VPS33A: variants seen among roughly 807,000 people sequenced by gnomAD.
VPS33A encodes vacuolar protein sorting-associated protein 33A.
A neutral mutation model predicts 71.8 loss-of-function variants in VPS33A; 32 were observed. The ratio of observed to expected loss-of-function variants is 0.45; its 90% CI spans 0.34 to 0.60. The LOEUF (loss-of-function observed/expected upper bound fraction) is 0.60. VPS33A is among the 20% of genes least tolerant of loss of function. VPS33A has a pLI of 0.02. For synonymous variants in VPS33A, 311 were observed against 292.7 expected (o/e 1.06, Z -0.64); for missense variants, 625 against 748.5 (o/e 0.84, Z 1.92).
intron 11 of VPS33A, among the ~76,000 whole-genome samples, chr12:122,235,460 T>A (rs1954617766): frequency 6.6e-6 from 1 of 151,954 alleles, no homozygotes; most frequent in Admixed American, 6.6e-5. Flanking sequence ...AGATGGGGTT[T>A]CCCATGTTAG....
intron 11 of VPS33A, among the ~76,000 whole-genome samples, chr12:122,234,840 C>G (rs1354443701): frequency 6.6e-6 from 1 of 152,116 alleles, no homozygotes; most frequent in Non-Finnish European, 1.5e-5. Flanking sequence ...CAGCCAGAGG[C>G]CCCTCACCCC....
Position 122,250,043 on chromosome 12 carries a change from T to C in VPS33A, c.603A>G (p.Gln201=), listed in dbSNP as rs1181982295. ...QIFGKGECAR[Q]VANMMIRMKR... ...TCATCCTGATCATCATATTGGCCAC[T>C]TGCTGGAAACAAAACATTGGATGAG... is the stretch of plus-strand genomic sequence containing the variant. The change falls in exon 6 of 13, where the codon CAA becomes CAG. Residue 201 remains glutamine (Q), a splice_region_variant and synonymous_variant. Coordinates refer to ENST00000267199, the MANE Select transcript of VPS33A (RefSeq NM_022916.6). 1 of 1,605,468 alleles carries C rather than the reference T, an allele frequency of 6.2e-7. No individual in the cohort carries two copies. Among genetic ancestry groups the C allele is most frequent in the Non-Finnish European group, 8.5e-7 (1 of 1,175,722 alleles).
chr12:122,244,804 C>T, intron 6 of VPS33A, 42 bp from the exon 7 acceptor site: 1 of 1,561,396 alleles, frequency 6.4e-7, no homozygotes, highest in Non-Finnish European at 8.7e-7. Context: ...TGTGCAATGA[C>T]TGGAAGAACC....
In VPS33A at chr12:122,244,730, G is replaced by A. The variant is rs761195636; in HGVS notation, c.808C>T (p.Pro270Ser). The change falls in exon 7 of 13, where the codon CCT becomes TCT. Residue 270 changes from proline (P) to serine (S), a missense_variant. Transcript: ENST00000267199. Reference sequence around the variant, plus strand: ...TTACCACCATCGCCCTGTTTCTTAGGTGCAAATTTCTCTGGAGGTAATTTC... The same window carrying A: ...TTACCACCATCGCCCTGTTTCTTAGATGCAAATTTCTCTGGAGGTAATTTC... Reference protein sequence around the residue: ...YVKLPPEKFAPKKQGDGGKDL... With the variant: ...YVKLPPEKFASKKQGDGGKDL... 1 of 1,613,790 alleles carries A rather than the reference G, an allele frequency of 6.2e-7. No homozygotes were observed. The highest frequency in any genetic ancestry group is 8.5e-7 in the Non-Finnish European group (1 of 1,179,782).
chr12:122,248,910 CT>C (rs991872604), intron 6 of VPS33A: 1 of 152,228 alleles, frequency 6.6e-6, no homozygotes, highest in Non-Finnish European at 1.5e-5. Flanking sequence ...TCACCGACAA[CT>C]GCAATTTGCT....
At chr12:122,261,627 G>C (rs1954996648) in intron 3 of VPS33A, among the ~76,000 whole-genome samples, 180 bp from the exon 4 acceptor site, 1 of 152,160 alleles carries the variant, frequency 6.6e-6, no homozygotes, top group African/African-American at 2.4e-5. Context: ...TCAGCACTTT[G>C]GGAGGCCAAG....
chr12:122,263,054 G>A (rs1470710455), intron 3 of VPS33A, among the ~76,000 whole-genome samples: 5 of 148,650 alleles, frequency 3.4e-5, no homozygotes, highest in Non-Finnish European at 5.9e-5. Flanking sequence ...GTGCAGTGGC[G>A]CGATCTCAGC....
intron 4 of VPS33A, among the ~76,000 whole-genome samples, chr12:122,257,913 C>T (rs1456109042): frequency 6.6e-6 from 1 of 152,100 alleles, no homozygotes; most frequent in East Asian, 1.9e-4. Flanking sequence ...CAGACCCTTA[C>T]ATTTGTGGAC....
At position 122,252,338 on chromosome 12, in the gene VPS33A, G is replaced by A. The variant is rs565671316; in HGVS notation, c.484-1239C>T. ...GGCTGGAGTGCAGTGGCGCGATCTCGGCTCACTGCAAGCTCCACCTACTGG... is the reference window on the plus strand; with the variant it reads ...GGCTGGAGTGCAGTGGCGCGATCTCAGCTCACTGCAAGCTCCACCTACTGG... On this transcript the variant is annotated intron_variant, in intron 4 of 12. Transcript: ENST00000267199. Among the ~76,000 whole-genome samples, 241 of 151,460 alleles carry A rather than the reference G, an allele frequency of 1.6e-3. 2 individuals are homozygous for A. Among genetic ancestry groups the A allele is most frequent in the Admixed American group, 2.3e-3 (35 of 15,182 alleles).
At chr12:122,257,516 C>A (rs1954935639) in intron 4 of VPS33A, among the ~76,000 whole-genome samples, 2 of 144,646 alleles carry the variant, frequency 1.4e-5, no homozygotes, top group Admixed American at 1.4e-4. Flanking sequence ...TACTAATACA[C>A]AAAAAAATTA....
Position 122,261,374 on chromosome 12 carries a change from G to C in VPS33A, c.370C>G (p.Arg124Gly). 6.2e-7 allele frequency: 1 copy of C among 1,613,714 alleles called. No homozygotes were observed. Among genetic ancestry groups the C allele is most frequent in the Non-Finnish European group, 8.5e-7 (1 of 1,179,860 alleles). ...VPRRSLLCEQ[R>G]LKDLGVLGSF... ...CCCAAGACACCCAGATCCTTCAACCGCTGTTCGCACAACAGGCTACGGCGT... is the reference window on the plus strand; with the variant it reads ...CCCAAGACACCCAGATCCTTCAACCCCTGTTCGCACAACAGGCTACGGCGT... The change falls in exon 4 of 13, where the codon CGG (arginine) becomes GGG (glycine). Residue 124 changes from arginine to glycine, a missense_variant. Transcript: ENST00000267199.
At position 122,260,703 on chromosome 12, in the gene VPS33A, A is replaced by G. The variant is rs377694852; in HGVS notation, c.483+558T>C. Among the ~76,000 whole-genome samples the G allele has an allele frequency of 3.3e-5, 5 of 152,326 alleles. No homozygotes were observed. In the South Asian group the frequency reaches 8.3e-4, roughly 25 times the overall value. ...GATAAAAGACATTATACACAAAGTT[A>G]AGCCAGGCGCGGTGGCTCACGCCTG... On this transcript the variant is annotated intron_variant, in intron 4 of 12. Coordinates refer to ENST00000267199, the MANE Select transcript of VPS33A (RefSeq NM_022916.6).
chr12:122,264,337 A>G, intron 1 of VPS33A, 138 bp from the exon 2 acceptor site: 1 of 534,962 alleles, frequency 1.9e-6, no homozygotes, highest in Non-Finnish European at 3.1e-6. Flanking sequence ...TACAAAATTA[A>G]AATAATAATA....
At position 122,242,362 on chromosome 12, in the gene VPS33A, T is replaced by A; in HGVS notation, c.1096+20A>T. ...TGCAAGTAGCCCCAGACTGAAACAATCATTACAAAGGATACTCACTAGTGA... is the reference window on the plus strand; with the variant it reads ...TGCAAGTAGCCCCAGACTGAAACAAACATTACAAAGGATACTCACTAGTGA... On this transcript the variant is annotated intron_variant, in intron 8 of 12. Coordinates refer to ENST00000267199, the MANE Select transcript of VPS33A (RefSeq NM_022916.6). 1.9e-6 allele frequency: 3 copies of A among 1,603,948 alleles called. No homozygotes were observed. The highest frequency in any genetic ancestry group is 2.6e-6 in the Non-Finnish European group (3 of 1,171,642).
rs1954558630 is a variant in VPS33A, at chr12:122,231,420, C to T, written c.*826G>A. The T allele has an allele frequency of 6.6e-6, 1 of 152,146 alleles. No homozygotes were observed. Among genetic ancestry groups the T allele is most frequent in the Non-Finnish European group, 1.5e-5 (1 of 68,052 alleles). 9.4% of individuals were successfully genotyped at this position (152,146 alleles called of 1,614,324 possible). On this transcript the variant is annotated 3_prime_UTR_variant, in exon 13 of 13. Coordinates refer to ENST00000267199, the MANE Select transcript of VPS33A (RefSeq NM_022916.6). ...TCAGTTGCGACAGTGACTGATGACC[C>T]TAAATATAATCTCCCACACTCTGCA...
chr12:122,266,220 A>C, intron 1 of VPS33A, 87 bp downstream of exon 1: 1 of 1,546,376 alleles, frequency 6.5e-7, no homozygotes, highest in Non-Finnish European at 8.7e-7. Context: ...GGACCTCATA[A>C]ACCGCGAACT....
intron 4 of VPS33A, among the ~76,000 whole-genome samples, chr12:122,255,054 G>GAA (rs35670853): frequency 7.7e-6 from 1 of 129,794 alleles, no homozygotes; most frequent in African/African-American, 2.7e-5. Context: ...CAGTTTCAAG[G>GAA]AAAAAAAAAA....
chr12:122,264,260 A>G lies in VPS33A; in HGVS notation c.103-61T>C, dbSNP rs1161643897. ...AATATCAGGAATTTTAACAATACCA[A>G]TAAAAAATAGCCTAACAGGAGGAGT... On this transcript the variant is annotated intron_variant, in intron 1 of 12. Transcript: ENST00000267199. 1.5e-5 allele frequency: 19 copies of G among 1,307,702 alleles called. No individual in the cohort carries two copies. In the East Asian group the frequency reaches 4.4e-4, roughly 30 times the overall value. The allele number at this position is 1,307,702 out of a possible 1,614,324, so 81.0% of individuals were successfully genotyped here.
At position 122,266,287 on chromosome 12, in the gene VPS33A, C is replaced by A; in HGVS notation, c.102+20G>T. ...GGACCAGGGGAGGCGAGGGCGGTGT[C>A]GCTGCCTCCCGCCCCTCACCTTGCT... On this transcript the variant is annotated intron_variant, in intron 1 of 12. Transcript: ENST00000267199. The A allele has an allele frequency of 6.2e-7, 1 of 1,606,018 alleles. No homozygotes were observed. The highest frequency in any genetic ancestry group is 1.3e-5 in the African/African-American group (1 of 75,024).
Sources: gnomAD v4.1 joint callset for allele counts (sites outside exome capture counted in the v4.1 genomes callset) on GRCh38, gnomAD v4.1.1 for gene constraint, MANE v1.5 for transcripts, NCBI Gene and HGNC (gene_info 2026-07-23, HGNC 2026-07-21) for gene names.